The following PCDHGA5 variants were observed in gnomAD, a reference collection of about 807,000 sequenced individuals.
PCDHGA5 encodes the protein protocadherin gamma-A5.
A neutral mutation model predicts 56.7 loss-of-function variants in PCDHGA5; 36 were observed. That is an observed-to-expected ratio of 0.64 (90% CI 0.49 to 0.84). The LOEUF (loss-of-function observed/expected upper bound fraction) is 0.84. PCDHGA5 is among the 40% of genes least tolerant of loss of function. The pLI, the probability that PCDHGA5 is intolerant of heterozygous loss-of-function variation, is 0.00. For missense variants in PCDHGA5, 1,305 were observed against 1,201.5 expected (o/e 1.09, Z -1.27); for synonymous variants, 563 against 520.2 (o/e 1.08, Z -1.12).
At chr5:141,410,419 T>TC (rs769125626) in intron 1 of PCDHGA5, 49 of 1,613,886 alleles carry the variant, frequency 3.0e-5, no homozygotes, top group Non-Finnish European at 3.6e-5. Context: ...GACCTGTAGT[T>TC]CCCCCCAACT....
At chr5:141,369,342 T>C (rs922060609) in intron 1 of PCDHGA5, among the ~76,000 whole-genome samples, 8 of 152,174 alleles carry the variant, frequency 5.3e-5, no homozygotes, top group African/African-American at 1.9e-4. Context: ...TTCAGGACAA[T>C]TGTGATGTAG....
Position 141,490,318 on chromosome 5 carries a change from C to T in PCDHGA5, c.2422-4489C>T. ...ATTGGCCTCTTTGGCCAACCCTGTCCTAGAGAGCACACCAGTGGGCACAGT... is the reference window on the plus strand; with the variant it reads ...ATTGGCCTCTTTGGCCAACCCTGTCTTAGAGAGCACACCAGTGGGCACAGT... On this transcript the variant is annotated intron_variant, in intron 1 of 3. Transcript: ENST00000518069. The surrounding 1 kb of genome is among the most constrained non-coding windows in gnomAD (Gnocchi z 5.4). 1 of 1,614,220 alleles carries T rather than the reference C, an allele frequency of 6.2e-7. No homozygotes were observed.
intron 1 of PCDHGA5, chr5:141,394,570 A>G: frequency 6.2e-7 from 1 of 1,613,768 alleles, no homozygotes; most frequent in Non-Finnish European, 8.5e-7. Flanking sequence ...GAGCGTGGCT[A>G]CCTGGTGACC....
chr5:141,371,456 A>T (rs755481962), intron 1 of PCDHGA5: 2 of 1,613,902 alleles, frequency 1.2e-6, no homozygotes, highest in African/African-American at 2.7e-5. Flanking sequence ...CTGAATCCCA[A>T]CATATACAAG....
At position 141,476,719 on chromosome 5, in the gene PCDHGA5, C is replaced by T; in HGVS notation, c.2422-18088C>T. ...ACGCGGAGCTGGTGTTGGAGCGCGC[C>T]CTGGACCGAGAACGGGAGCCTAGTC... On this transcript the variant is annotated intron_variant, in intron 1 of 3. Coordinates refer to ENST00000518069, the MANE Select transcript of PCDHGA5 (RefSeq NM_018918.3). The surrounding 1 kb of genome is among the most constrained non-coding windows in gnomAD (Gnocchi z 7.6). The T allele has an allele frequency of 6.2e-7, 1 of 1,614,154 alleles. No homozygotes were observed.
At chr5:141,375,644 G>T (rs762047740) in intron 1 of PCDHGA5, 5 of 1,614,180 alleles carry the variant, frequency 3.1e-6, no homozygotes, top group Non-Finnish European at 4.2e-6. Context: ...GCGCTCCTTC[G>T]ACTATGAGCA....
rs2099619316 is a variant in PCDHGA5, at chr5:141,485,794, C to A, written c.2422-9013C>A. The A allele has an allele frequency of 6.2e-7, 1 of 1,614,120 alleles. No homozygotes were observed. The highest frequency in any genetic ancestry group is 1.1e-5 in the South Asian group (1 of 91,092). On this transcript the variant is annotated intron_variant, in intron 1 of 3. Transcript: ENST00000518069. This position sits in a 1 kb window ranked among gnomAD's most constrained non-coding sequence, Gnocchi z 5.7. ...CTTTGGATCGAGAGAAGCAATCGGA[C>A]TACCGCCTGGTGCTGACTGCTGTCG...
intron 1 of PCDHGA5, chr5:141,409,203 T>C: frequency 1.2e-6 from 2 of 1,613,964 alleles, no homozygotes; most frequent in Non-Finnish European, 1.7e-6. Flanking sequence ...TGTAAAGTAA[T>C]CATAGAAATC....
intron 2 of PCDHGA5, 179 bp downstream of exon 2, chr5:141,495,044 T>C (rs2099758475): frequency 1.1e-6 from 1 of 944,572 alleles, no homozygotes; most frequent in Non-Finnish European, 1.3e-6. Flanking sequence ...AAGAGGCGAC[T>C]GCCCTGACTG....
chr5:141,383,264 A>T, intron 1 of PCDHGA5: 1 of 1,613,962 alleles, frequency 6.2e-7, no homozygotes, highest in Non-Finnish European at 8.5e-7. Context: ...ATAGACGTGG[A>T]AATAATAGAT....
At chr5:141,393,504 A>G (rs369406530) in intron 1 of PCDHGA5, 1 of 1,614,036 alleles carries the variant, frequency 6.2e-7, no homozygotes, top group African/African-American at 1.3e-5. Flanking sequence ...CATCCACGTG[A>G]CAGTGTTGGA....
intron 1 of PCDHGA5, chr5:141,408,054 C>G (rs1561710214): frequency 1.5e-6 from 2 of 1,295,924 alleles, no homozygotes; most frequent in East Asian, 2.6e-5. Flanking sequence ...CACAGAGCCT[C>G]CCGGCTGCGC....
At chr5:141,421,718 G>C (rs778263773) in intron 1 of PCDHGA5, 1 of 1,613,966 alleles carries the variant, frequency 6.2e-7, no homozygotes, top group Middle Eastern at 1.7e-4. Context: ...CCAGATGTGG[G>C]CGTGAACTCC....
At position 141,463,438 on chromosome 5, in the gene PCDHGA5, C is replaced by CTTTTT. The variant is rs71576115; in HGVS notation, c.2422-31345_2422-31341dup. On this transcript the variant is annotated intron_variant, in intron 1 of 3. Coordinates refer to ENST00000518069, the MANE Select transcript of PCDHGA5 (RefSeq NM_018918.3). ...GTTTGCGGATCCTCATTTCCTTCTC[C>CTTTTT]TTTTTTTTTTTTTTTTTTTTTTTTT... is the stretch of plus-strand genomic sequence containing the variant. 3.0e-4 allele frequency among the ~76,000 whole-genome samples: 31 copies of CTTTTT among 103,252 alleles called. 1 individual carries two copies. Among genetic ancestry groups the CTTTTT allele is most frequent in the African/African-American group, 1.2e-3 (26 of 22,402 alleles). The allele number at this position is 103,252 out of a possible 152,430, so 67.7% of individuals were successfully genotyped here.
chr5:141,392,661 A>T, intron 1 of PCDHGA5: 1 of 803,300 alleles, frequency 1.2e-6, no homozygotes, highest in Non-Finnish European at 1.9e-6. Context: ...CAGATGCCAC[A>T]AACTAACTGC....
chr5:141,393,565 T>G, intron 1 of PCDHGA5: 1 of 1,613,912 alleles, frequency 6.2e-7, no homozygotes, highest in Non-Finnish European at 8.5e-7. Context: ...CGAGTGAAAG[T>G]CCTTGAGAAC....
intron 1 of PCDHGA5, among the ~76,000 whole-genome samples, chr5:141,484,369 G>A (rs1218433750): frequency 6.6e-6 from 1 of 152,164 alleles, no homozygotes; most frequent in Non-Finnish European, 1.5e-5. Flanking sequence ...TGTATCACTA[G>A]CAAATGTCTG....
Position 141,511,208 on chromosome 5 carries a change from C to T in PCDHGA5, c.*35C>T, listed in dbSNP as rs1278180818. 27 of 1,610,922 alleles carry T rather than the reference C, an allele frequency of 1.7e-5. No individual in the cohort carries two copies. Among genetic ancestry groups the T allele is most frequent in the Non-Finnish European group, 2.3e-5 (27 of 1,178,572 alleles). ...CAGGCCAAGAGCCACAGGGCGGCCT[C>T]TCCCCAACCAGCCCAGCTTCTCCTT... On this transcript the variant is annotated 3_prime_UTR_variant, in exon 4 of 4. Coordinates refer to ENST00000518069, the MANE Select transcript of PCDHGA5 (RefSeq NM_018918.3).
At chr5:141,413,407 CT>C (rs758693256) in intron 1 of PCDHGA5, 3 of 1,613,926 alleles carry the variant, frequency 1.9e-6, no homozygotes, top group Non-Finnish European at 2.5e-6. Flanking sequence ...TAGGACGCAG[CT>C]TTTCTCTCTG....
Sources: allele counts gnomAD v4.1 joint callset (sites outside exome capture counted in the v4.1 genomes callset), GRCh38; gene constraint gnomAD v4.1.1; non-coding constraint Gnocchi (gnomAD v3.1); transcripts MANE v1.5; gene names NCBI Gene and HGNC (gene_info 2026-07-23, HGNC 2026-07-21).